Variants in MECOM observed in about 807,000 individuals in gnomAD.
The protein encoded by MECOM is histone-lysine N-methyltransferase MECOM.
Under a neutral mutation model 116.3 loss-of-function variants are expected in MECOM, and 13 were observed. That is an observed-to-expected ratio of 0.11 (90% CI 0.07 to 0.18). The LOEUF (loss-of-function observed/expected upper bound fraction) is 0.18, where lower values mean the gene tolerates loss of function less well. Ranked by LOEUF, MECOM falls within the 10% of genes least tolerant of loss-of-function variation. MECOM has a pLI of 1.00. For missense variants in MECOM, 1,299 were observed against 1,509.0 expected (o/e 0.86, Z 2.31); for synonymous variants, 528 against 535.2 (o/e 0.99, Z 0.19).
At chr3:169,093,861 G>C (rs1338098921) in intron 13 of MECOM, among the ~76,000 whole-genome samples, 1 of 152,132 alleles carries the variant, frequency 6.6e-6, no homozygotes, top group African/African-American at 2.4e-5. Context: ...TAATATAATA[G>C]TTCATCACAA....
At chr3:169,584,436 G>A (rs1457793063) in intron 1 of MECOM, among the ~76,000 whole-genome samples, 2 of 151,656 alleles carry the variant, frequency 1.3e-5, no homozygotes, top group Non-Finnish European at 2.9e-5. Flanking sequence ...GTGGTGGCGA[G>A]CGCCTGTAGT....
At chr3:169,195,485 G>T (rs7652391) in intron 2 of MECOM, among the ~76,000 whole-genome samples, 40,652 of 151,962 alleles carry the variant, frequency 0.27, 6,216 homozygotes, top group African/African-American at 0.43. Flanking sequence ...ACGGAAAAAG[G>T]TGATAATTTT....
At chr3:169,625,753 A>G (rs991732397) in intron 1 of MECOM, among the ~76,000 whole-genome samples, 1 of 152,224 alleles carries the variant, frequency 6.6e-6, no homozygotes, top group Non-Finnish European at 1.5e-5. Flanking sequence ...CAGGTGATCT[A>G]TCATTAGGCC....
chr3:169,304,932 T>C (rs1030149254), intron 2 of MECOM, among the ~76,000 whole-genome samples: 9 of 152,354 alleles, frequency 5.9e-5, no homozygotes, highest in African/African-American at 2.2e-4. Context: ...CTAGGGTTCC[T>C]GGCTCATAGC....
At chr3:169,316,207 GTTCTT>G (rs1719716505) in intron 2 of MECOM, among the ~76,000 whole-genome samples, 1 of 152,188 alleles carries the variant, frequency 6.6e-6, no homozygotes, top group Admixed American at 6.5e-5. Context: ...ACAAACTTCT[GTTCTT>G]TCGACAACTC....
Position 169,433,683 on chromosome 3 carries a change from A to AAGAAAG in MECOM, c.38-52165_38-52160dup, listed in dbSNP as rs1553851609. 2.4e-4 allele frequency among the ~76,000 whole-genome samples: 36 copies of AAGAAAG among 150,330 alleles called. 1 individual carries two copies. The East Asian group carries it at 5.1e-3, about 21-fold the overall frequency. On this transcript the variant is annotated intron_variant, in intron 1 of 16. Transcript: ENST00000651503. ...AAAGAAAGAAAGAAAGAAAGAAAGA[A>AAGAAAG]AGAAAGAGAAAGAAAGAAAAGAAAG...
intron 2 of MECOM, among the ~76,000 whole-genome samples, chr3:169,247,389 T>C (rs978684298): frequency 1.3e-5 from 2 of 151,960 alleles, no homozygotes; most frequent in African/African-American, 2.4e-5. Flanking sequence ...CACCACAACC[T>C]CCACCTCCCG....
At chr3:169,210,036 C>A (rs1250701585) in intron 2 of MECOM, among the ~76,000 whole-genome samples, 1 of 152,008 alleles carries the variant, frequency 6.6e-6, no homozygotes, top group Non-Finnish European at 1.5e-5. Context: ...AAAAGGAATG[C>A]GATCATGTCC....
chr3:169,559,218 T>C (rs1298763742), intron 1 of MECOM, among the ~76,000 whole-genome samples: 1 of 152,214 alleles, frequency 6.6e-6, no homozygotes, highest in Non-Finnish European at 1.5e-5. Context: ...GAAGATCATA[T>C]AAACTTGGTT....
At chr3:169,624,427 C>A (rs1434386181) in intron 1 of MECOM, among the ~76,000 whole-genome samples, 1 of 152,142 alleles carries the variant, frequency 6.6e-6, no homozygotes, top group Non-Finnish European at 1.5e-5. Context: ...ATATACCCAG[C>A]ACTCCACACT....
intron 1 of MECOM, among the ~76,000 whole-genome samples, chr3:169,527,974 A>G (rs1758155267): frequency 6.6e-6 from 1 of 152,022 alleles, no homozygotes; most frequent in Non-Finnish European, 1.5e-5. Flanking sequence ...TGCCAGTGGG[A>G]TGGGTTGACT....
At position 169,198,909 on chromosome 3, in the gene MECOM, G is replaced by GA. The variant is rs1183908050; in HGVS notation, c.376-55078_376-55077insT. On this transcript the variant is annotated intron_variant, in intron 2 of 16. Coordinates refer to ENST00000651503, the MANE Select transcript of MECOM (RefSeq NM_004991.4). ...GAGCAGTCAGGAAAATCCTTCCTGT[G>GA]GAAAAAAAAATTAAATAGGGACCCA... Among the ~76,000 whole-genome samples the GA allele has an allele frequency of 7.4e-4, 112 of 151,612 alleles. 2 individuals are homozygous for GA. The East Asian group carries it at 0.018, about 24-fold the overall frequency.
intron 1 of MECOM, among the ~76,000 whole-genome samples, chr3:169,486,000 T>C (rs9873683): frequency 1.1e-5 from 1 of 87,748 alleles, no homozygotes; most frequent in African/African-American, 4.7e-5. Context: ...TATATGTATA[T>C]ATATACTATA....
At chr3:169,276,902 G>A (rs1161130654) in intron 2 of MECOM, among the ~76,000 whole-genome samples, 1 of 152,206 alleles carries the variant, frequency 6.6e-6, no homozygotes, top group Non-Finnish European at 1.5e-5. Flanking sequence ...CACAGAGTGA[G>A]CATTATATAA....
At chr3:169,386,652 T>C (rs1236612297) in intron 1 of MECOM, among the ~76,000 whole-genome samples, 1 of 152,188 alleles carries the variant, frequency 6.6e-6, no homozygotes, top group African/African-American at 2.4e-5. Context: ...ATTTTATTTA[T>C]GTTGCTTCTA....
At chr3:169,635,470 C>T (rs1772621159) in intron 1 of MECOM, among the ~76,000 whole-genome samples, 1 of 152,154 alleles carries the variant, frequency 6.6e-6, no homozygotes, top group Non-Finnish European at 1.5e-5. Context: ...TGCTATCTGC[C>T]ATGCACCATG....
chr3:169,418,875 T>C (rs1739215599), intron 1 of MECOM, among the ~76,000 whole-genome samples: 1 of 152,124 alleles, frequency 6.6e-6, no homozygotes, highest in South Asian at 2.1e-4. Flanking sequence ...CTATTCAACA[T>C]AGTATTGGAA....
At chr3:169,443,493 C>G (rs1247587933) in intron 1 of MECOM, among the ~76,000 whole-genome samples, 1 of 152,166 alleles carries the variant, frequency 6.6e-6, no homozygotes, top group Non-Finnish European at 1.5e-5. Flanking sequence ...GAACCAATCA[C>G]AGTGTTAAGA....
intron 2 of MECOM, among the ~76,000 whole-genome samples, chr3:169,298,057 T>C (rs1193801328): frequency 6.6e-6 from 1 of 152,132 alleles, no homozygotes; most frequent in East Asian, 1.9e-4. Flanking sequence ...TCATCCAGCA[T>C]CGGGAGAAAT....
Sources: allele counts gnomAD v4.1 joint callset (sites outside exome capture counted in the v4.1 genomes callset), GRCh38; gene constraint gnomAD v4.1.1; transcripts MANE v1.5; gene names NCBI Gene and HGNC (gene_info 2026-07-23, HGNC 2026-07-21).